The following PRKX variants were observed in gnomAD, a reference collection of about 807,000 sequenced individuals.
PRKX encodes the protein protein kinase cAMP-dependent X-linked catalytic subunit, also known as cAMP-dependent protein kinase catalytic subunit PRKX.
In PRKX, 12 loss-of-function variants were observed where a neutral mutation model predicts 22.0. The observed-to-expected ratio is 0.54, with a 90% CI of 0.35 to 0.88. The LOEUF (loss-of-function observed/expected upper bound fraction) is 0.88, where lower values mean the gene tolerates loss of function less well. PRKX is among the 40% of genes least tolerant of loss of function. The pLI is 0.01. For synonymous variants in PRKX, 134 were observed against 137.7 expected, an observed-to-expected ratio of 0.97 and a Z score of 0.19; for missense variants, 217 against 308.0, an observed-to-expected ratio of 0.70 and a Z score of 2.21.
rs755938600 is a variant in PRKX, at chrX:3,683,637, G to C, written c.167-8871C>G. Among the ~76,000 whole-genome samples the C allele has an allele frequency of 1.5e-4, 17 of 110,753 alleles. No homozygotes were observed. In the East Asian group the frequency reaches 4.8e-3, roughly 31 times the overall value. On this transcript the variant is annotated intron_variant, in intron 1 of 8. Transcript: ENST00000262848. ...GGATCACTTGAGGCCGGGAGTTCAAGACCTGCCTGGGCAACATAGCGAGAT... is the reference window on the plus strand; with the variant it reads ...GGATCACTTGAGGCCGGGAGTTCAACACCTGCCTGGGCAACATAGCGAGAT...
At chrX:3,696,264 T>G (rs1928440252) in intron 1 of PRKX, among the ~76,000 whole-genome samples, 1 of 111,265 alleles carries the variant, frequency 9.0e-6, no homozygotes, top group Admixed American at 9.6e-5. Flanking sequence ...CCTCCAGAAC[T>G]GGGAGCAATA....
At chrX:3,676,201 C>T (rs1175727560) in intron 1 of PRKX, among the ~76,000 whole-genome samples, 1 of 111,845 alleles carries the variant, frequency 8.9e-6, no homozygotes, top group Admixed American at 9.5e-5. Flanking sequence ...ACTGCCCTCC[C>T]GTATTATGTG....
intron 1 of PRKX, among the ~76,000 whole-genome samples, chrX:3,692,763 G>A (rs751259830): frequency 9.9e-5 from 11 of 110,835 alleles, no homozygotes; most frequent in Admixed American, 1.9e-4. Context: ...TCCTGACCTC[G>A]TGGTCCACCC....
chrX:3,709,181 C>A (rs868434175), intron 1 of PRKX, among the ~76,000 whole-genome samples: 6 of 52,980 alleles, frequency 1.1e-4, no homozygotes, highest in African/African-American at 8.1e-4. Flanking sequence ...GAGACCCTGT[C>A]TCAAAAAAAA....
intron 1 of PRKX, among the ~76,000 whole-genome samples, chrX:3,686,562 CTT>C (rs57037374): frequency 2.3e-4 from 23 of 100,283 alleles, no homozygotes; most frequent in African/African-American, 8.4e-4. Context: ...TGTTTTAAAT[CTT>C]TTTTTTTTTT....
At position 3,683,752 on chromosome X, in the gene PRKX, T is replaced by C. The variant is rs1294967311; in HGVS notation, c.167-8986A>G. ...TACTTGGGAGGCTGAGGTGGGAGGATTGCCTGAGCCTGGGAGGTCGAGGCT... is the reference window on the plus strand; with the variant it reads ...TACTTGGGAGGCTGAGGTGGGAGGACTGCCTGAGCCTGGGAGGTCGAGGCT... On this transcript the variant is annotated intron_variant, in intron 1 of 8. Transcript: ENST00000262848. Among the ~76,000 whole-genome samples, 3 of 111,576 alleles carry C rather than the reference T, an allele frequency of 2.7e-5. No homozygotes were observed. The South Asian group carries it at 1.1e-3, about 42-fold the overall frequency.
intron 1 of PRKX, among the ~76,000 whole-genome samples, chrX:3,705,374 C>T (rs924445212): frequency 9.0e-6 from 1 of 111,415 alleles, no homozygotes; most frequent in Non-Finnish European, 1.9e-5. Context: ...AACACCATTA[C>T]CTTGGGGATT....
intron 3 of PRKX, among the ~76,000 whole-genome samples, chrX:3,651,167 A>G (rs1024923789): frequency 2.7e-5 from 3 of 111,366 alleles, no homozygotes; most frequent in African/African-American, 9.8e-5. Flanking sequence ...CACTACCCAT[A>G]CAGAGGAAGA....
intron 1 of PRKX, among the ~76,000 whole-genome samples, chrX:3,688,220 T>A (rs747683185): frequency 0.087 from 8,519 of 98,480 alleles, 633 homozygotes; most frequent in East Asian, 0.27. Context: ...CCGAGGCAGG[T>A]GGATGATCTG....
chrX:3,612,029 C>T (rs1270614925), intron 8 of PRKX, 148 bp downstream of exon 8: 17 of 473,118 alleles, frequency 3.6e-5, no homozygotes, highest in South Asian at 1.9e-4. Flanking sequence ...GTTTATTTCG[C>T]TGACCCTTGC....
intron 5 of PRKX, 111 bp from the exon 6 acceptor site, chrX:3,621,427 T>G: frequency 1.5e-6 from 1 of 679,711 alleles, no homozygotes; most frequent in Non-Finnish European, 2.2e-6. Flanking sequence ...GGACCGCAGT[T>G]CAATTTCCAC....
At chrX:3,626,340 G>A (rs1926658377) in intron 5 of PRKX, 79 bp downstream of exon 5, 12 of 750,568 alleles carry the variant, frequency 1.6e-5, no homozygotes, top group Non-Finnish European at 2.2e-5. Context: ...ATGGTATCCT[G>A]CTGAGTGCGT....
chrX:3,615,011 A>ATTTTTTTTTTTTTTTTTTT (rs761643511), intron 7 of PRKX, among the ~76,000 whole-genome samples: 1 of 59,762 alleles, frequency 1.7e-5, no homozygotes. Flanking sequence ...AAAATGCCAG[A>ATTTTTTTTTTTTTTTTTTT]TTTTTTTTTT....
chrX:3,646,844 T>G (rs1330147039), intron 3 of PRKX, among the ~76,000 whole-genome samples: 1 of 110,203 alleles, frequency 9.1e-6, no homozygotes, highest in Admixed American at 9.8e-5. Flanking sequence ...CTGGGAGGGG[T>G]TTCCTCGGTG....
At chrX:3,685,584 C>T (rs1324410913) in intron 1 of PRKX, among the ~76,000 whole-genome samples, 1 of 111,164 alleles carries the variant, frequency 9.0e-6, no homozygotes, top group Non-Finnish European at 1.9e-5. Flanking sequence ...AACATTCAAA[C>T]ATCGGCTTCC....
Position 3,672,464 on chromosome X carries a change from C to T in PRKX, c.335+2134G>A, listed in dbSNP as rs190686023. Among the ~76,000 whole-genome samples the T allele has an allele frequency of 2.4e-4, 27 of 110,352 alleles. 1 individual carries two copies. Among genetic ancestry groups the T allele is most frequent in the Admixed American group, 2.3e-3 (24 of 10,350 alleles). On this transcript the variant is annotated intron_variant, in intron 2 of 8. Transcript: ENST00000262848. ...AACTAAAGCTCTGTTCTACAAGCTC[C>T]TCCCTATTTTTTAACTTGCGGGAGC...
intron 4 of PRKX, among the ~76,000 whole-genome samples, chrX:3,633,342 C>T (rs1603473490): frequency 1.8e-5 from 2 of 109,842 alleles, no homozygotes; most frequent in East Asian, 5.7e-4. Flanking sequence ...AGGTGGATCA[C>T]TTGAGCCTAG....
intron 2 of PRKX, among the ~76,000 whole-genome samples, chrX:3,661,267 G>GA (rs1240193662): frequency 9.0e-6 from 1 of 111,312 alleles, no homozygotes; most frequent in Non-Finnish European, 1.9e-5. Context: ...AATATTATAA[G>GA]AAAAAAGAAG....
In PRKX at chrX:3,628,214, G is replaced by A. The variant is rs1442598701; in HGVS notation, c.720-1700C>T. Reference sequence around the variant, plus strand: ...TAAAAAAAAGCTGATCTCCTGAAAGGATAAAGAAGAACAGAGGATACTAGA... The same window carrying A: ...TAAAAAAAAGCTGATCTCCTGAAAGAATAAAGAAGAACAGAGGATACTAGA... On this transcript the variant is annotated intron_variant, in intron 4 of 8. Transcript: ENST00000262848. Among the ~76,000 whole-genome samples, 3 of 111,023 alleles carry A rather than the reference G, an allele frequency of 2.7e-5. No homozygotes were observed. The East Asian group carries it at 8.6e-4, about 32-fold the overall frequency.
Sources: gnomAD v4.1 joint callset for allele counts (sites outside exome capture counted in the v4.1 genomes callset) on GRCh38, gnomAD v4.1.1 for gene constraint, MANE v1.5 for transcripts, NCBI Gene and HGNC (gene_info 2026-07-23, HGNC 2026-07-21) for gene names.